Variants in UNC13A observed in about 807,000 individuals in gnomAD.
UNC13A encodes the protein unc-13 homolog A.
A neutral mutation model predicts 219.7 loss-of-function variants in UNC13A; 61 were observed. That is an observed-to-expected ratio of 0.28 (90% CI 0.23 to 0.34). UNC13A has a LOEUF of 0.34. Ranked by LOEUF, UNC13A falls within the 10% of genes least tolerant of loss-of-function variation. The pLI is 1.00. For missense variants in UNC13A, 1,476 were observed against 2,270.3 expected (o/e 0.65, Z 7.11); for synonymous variants, 920 against 884.6 (o/e 1.04, Z -0.71).
chr19:17,645,889 T>G, intron 18 of UNC13A, 46 bp from the exon 19 acceptor site: 1 of 1,589,068 alleles, frequency 6.3e-7, no homozygotes, highest in Non-Finnish European at 8.6e-7. Flanking sequence ...GCAGCCAGTG[T>G]GAGTCCTGTC....
Position 17,609,994 on chromosome 19 carries a change from G to A in UNC13A, c.4757C>T (p.Ala1586Val). ...CCAGCTATTGTTCTTGGATTTGGTC[G>A]CAAACTTGCGTTTCTTGTCGCTGAG... ...PQLSDKKRKF[A>V]TKSKNNSWAP... The change falls in exon 43 of 44, where the codon GCG becomes GTG. Residue 1586 changes from alanine to valine, a missense_variant. By Grantham distance (64) the Ala-to-Val change is moderately conservative. Transcript: ENST00000519716. 2.5e-6 allele frequency: 4 copies of A among 1,614,004 alleles called. No individual in the cohort carries two copies. The highest frequency in any genetic ancestry group is 2.5e-6 in the Non-Finnish European group (3 of 1,179,900).
intron 31 of UNC13A, among the ~76,000 whole-genome samples, chr19:17,628,942 C>T (rs551736180): frequency 2.0e-4 from 31 of 152,184 alleles, no homozygotes; most frequent in Middle Eastern, 3.4e-3. Context: ...TGATCAGACA[C>T]GCACACTCAG....
intron 4 of UNC13A, among the ~76,000 whole-genome samples, chr19:17,672,097 T>A (rs1035408172): frequency 6.6e-6 from 1 of 150,844 alleles, no homozygotes; most frequent in African/African-American, 2.4e-5. Flanking sequence ...ACCACCCCCC[T>A]CCCCCACCAC....
chr19:17,623,572 C>T (rs1361971878), intron 35 of UNC13A, 25 bp from the exon 36 acceptor site: 8 of 264,614 alleles, frequency 3.0e-5, no homozygotes, highest in South Asian at 8.6e-5. Flanking sequence ...GGGGGCGGGG[C>T]GGTGGGGGAG....
chr19:17,641,482 G>A lies in UNC13A; in HGVS notation c.2547C>T (p.Ala849=), dbSNP rs1228254921. 2 of 1,614,076 alleles carry A rather than the reference G, an allele frequency of 1.2e-6. No homozygotes were observed. The highest frequency in any genetic ancestry group is 1.7e-6 in the Non-Finnish European group (2 of 1,180,008). ...CTGTCTCATCGTAGTAAACCTTCCAGGCATCGTCACCCTTGGCATCTGGGA... is the reference window on the plus strand; with the variant it reads ...CTGTCTCATCGTAGTAAACCTTCCAAGCATCGTCACCCTTGGCATCTGGGA... ...VKIPDAKGDD[A]WKVYYDETAQ... is the part of the protein sequence containing the mutation. Residue 849 remains alanine, a synonymous_variant, in exon 21 of 44, where the codon GCC becomes GCT. Coordinates refer to ENST00000519716, the MANE Select transcript of UNC13A (RefSeq NM_001080421.3).
chr19:17,613,550 A>G (rs149013856), intron 41 of UNC13A, among the ~76,000 whole-genome samples: 1 of 151,726 alleles, frequency 6.6e-6, no homozygotes, highest in East Asian at 1.9e-4. Context: ...CACTCACCCC[A>G]TTCTTGCCCT....
Position 17,605,655 on chromosome 19 carries a change from G to C in UNC13A, c.*399C>G, listed in dbSNP as rs563744832. 5.7e-6 allele frequency: 1 copy of C among 176,462 alleles called. No homozygotes were observed. Among genetic ancestry groups the C allele is most frequent in the African/African-American group, 2.4e-5 (1 of 42,364 alleles). 10.9% of individuals were successfully genotyped at this position (176,462 alleles called of 1,614,324 possible). On this transcript the variant is annotated 3_prime_UTR_variant, in exon 44 of 44. Coordinates refer to ENST00000519716, the MANE Select transcript of UNC13A (RefSeq NM_001080421.3). Reference sequence around the variant, plus strand: ...ATTTCCATACTTGGCAATTGGTCTGGGGTCCCAGGGGTCTGGGTCCCATCT... The same window carrying C: ...ATTTCCATACTTGGCAATTGGTCTGCGGTCCCAGGGGTCTGGGTCCCATCT...
chr19:17,620,769 A>C, intron 37 of UNC13A, 47 bp from the exon 38 acceptor site: 1 of 1,606,866 alleles, frequency 6.2e-7, no homozygotes, highest in South Asian at 1.1e-5. Flanking sequence ...GACTGTTGGG[A>C]GGATACTCAG....
Position 17,669,545 on chromosome 19 carries a change from GT to G in UNC13A, c.394+7del, listed in dbSNP as rs552928041. ...GGCTGGGTGAAGGTCCCGGGCCCCT[GT>G]ACTCACCTAAGGGTAGCTCAAAGCG... On this transcript the variant is annotated splice_region_variant and intron_variant, in intron 5 of 43. Transcript: ENST00000519716. The G allele has an allele frequency of 6.8e-5, 110 of 1,613,266 alleles. No homozygotes were observed. The African/African-American group carries it at 9.9e-4, about 14-fold the overall frequency.
At position 17,674,616 on chromosome 19, in the gene UNC13A, T is replaced by C. The variant is rs754774933; in HGVS notation, c.152+41A>G. Reference sequence around the variant, plus strand: ...CTGAGGGGCCAGCGAGGTGCTGGGCTATGCCAGGGAGTGAGGTCATGCCAG... The same window carrying C: ...CTGAGGGGCCAGCGAGGTGCTGGGCCATGCCAGGGAGTGAGGTCATGCCAG... On this transcript the variant is annotated intron_variant, in intron 3 of 43. Transcript: ENST00000519716. This position sits in a 1 kb window ranked among gnomAD's most constrained non-coding sequence, Gnocchi z 5.0. 1.9e-6 allele frequency: 3 copies of C among 1,583,034 alleles called. No homozygotes were observed. The highest frequency in any genetic ancestry group is 2.6e-6 in the Non-Finnish European group (3 of 1,153,470).
At chr19:17,659,173 T>C (rs998163197) in intron 8 of UNC13A, among the ~76,000 whole-genome samples, 17 of 152,324 alleles carry the variant, frequency 1.1e-4, no homozygotes, top group African/African-American at 3.8e-4. Context: ...CCGGGCACAG[T>C]GGCTCACACC....
At chr19:17,636,305 G>A in intron 25 of UNC13A, 148 bp from the exon 26 acceptor site, 4 of 1,026,860 alleles carry the variant, frequency 3.9e-6, no homozygotes, top group Non-Finnish European at 5.3e-6. Flanking sequence ...GAGAGGAATT[G>A]AACTCATAAA....
intron 17 of UNC13A, 87 bp downstream of exon 17, chr19:17,647,178 G>C: frequency 7.8e-7 from 1 of 1,278,190 alleles, no homozygotes; most frequent in South Asian, 1.4e-5. Context: ...CGCTGCAAAG[G>C]AGAGGGACCA....
intron 26 of UNC13A, 41 bp from the exon 27 acceptor site, chr19:17,633,234 G>A: frequency 1.3e-6 from 2 of 1,588,830 alleles, no homozygotes; most frequent in Non-Finnish European, 1.7e-6. Flanking sequence ...GCAGGCAGAA[G>A]GCAGATGGGA....
intron 36 of UNC13A, chr19:17,623,301 G>GCC: frequency 2.1e-6 from 1 of 478,772 alleles, no homozygotes; most frequent in East Asian, 3.5e-5. Flanking sequence ...TTGGGAGTGG[G>GCC]TAGTGGGGCT....
At chr19:17,670,907 GTAAAATAAAATAAAATAAAA>G (rs58942725) in intron 4 of UNC13A, among the ~76,000 whole-genome samples, 35 of 128,622 alleles carry the variant, frequency 2.7e-4, no homozygotes, top group South Asian at 8.2e-4. Flanking sequence ...CCATCTCACA[GTAAAATAAAATAAAATAAAA>G]TAAAATAAAA....
chr19:17,663,685 CTT>C (rs922542696), intron 7 of UNC13A, 118 bp from the exon 8 acceptor site: 110 of 1,068,586 alleles, frequency 1.0e-4, no homozygotes, highest in Admixed American at 2.0e-5. Context: ...AAAAGTCCCT[CTT>C]GTCCTGAGTA....
Position 17,649,214 on chromosome 19 carries a change from C to T in UNC13A, c.1524+125G>A. 6.8e-7 allele frequency: 1 copy of T among 1,464,724 alleles called. No individual in the cohort carries two copies. The highest frequency in any genetic ancestry group is 9.2e-7 in the Non-Finnish European group (1 of 1,082,484). The allele number at this position is 1,464,724 out of a possible 1,614,324, so 90.7% of individuals were successfully genotyped here. On this transcript the variant is annotated intron_variant, in intron 14 of 43. Transcript: ENST00000519716. This position sits in a 1 kb window ranked among gnomAD's most constrained non-coding sequence, Gnocchi z 4.4. ...TGAGCAGCCCCGCACCCCTGACTCACAGCATCCAACACAGTGGGACATGGC... is the reference window on the plus strand; with the variant it reads ...TGAGCAGCCCCGCACCCCTGACTCATAGCATCCAACACAGTGGGACATGGC...
chr19:17,644,050 A>T (rs77543094), intron 19 of UNC13A, among the ~76,000 whole-genome samples: 11,746 of 152,138 alleles, frequency 0.077, 489 homozygotes, highest in Middle Eastern at 0.19. Flanking sequence ...GATTAGGCTC[A>T]TACACCCTGC....
Sources: gnomAD v4.1 joint callset for allele counts (sites outside exome capture counted in the v4.1 genomes callset) on GRCh38, gnomAD v4.1.1 for gene constraint, Gnocchi (gnomAD v3.1) non-coding constraint, MANE v1.5 for transcripts, NCBI Gene and HGNC (gene_info 2026-07-23, HGNC 2026-07-21) for gene names.